Variants in PRKCE observed in about 807,000 individuals in gnomAD.
PRKCE encodes protein kinase C epsilon.
In PRKCE, 16 loss-of-function variants were observed where a neutral mutation model predicts 85.4. The observed-to-expected ratio is 0.19, with a 90% CI of 0.13 to 0.28. The LOEUF is 0.28. PRKCE is among the 10% of genes least tolerant of loss of function. The pLI, the probability that PRKCE is intolerant of heterozygous loss-of-function variation, is 1.00. For synonymous variants in PRKCE, 388 were observed against 371.5 expected (o/e 1.04, Z -0.51); for missense variants, 573 against 975.2 (o/e 0.59, Z 5.49).
intron 2 of PRKCE, among the ~76,000 whole-genome samples, chr2:45,951,035 C>G (rs1700585800): frequency 6.6e-6 from 1 of 152,178 alleles, no homozygotes; most frequent in African/African-American, 2.4e-5. Flanking sequence ...CTGTGAATTG[C>G]ACTACAATCC....
intron 2 of PRKCE, among the ~76,000 whole-genome samples, chr2:45,959,537 G>T (rs1239725809): frequency 6.6e-6 from 1 of 152,164 alleles, no homozygotes. Context: ...TGTGGCCTCA[G>T]TATTGAGGAG....
chr2:45,932,336 G>T (rs1226015856), intron 2 of PRKCE, among the ~76,000 whole-genome samples: 2 of 152,176 alleles, frequency 1.3e-5, no homozygotes, highest in Non-Finnish European at 2.9e-5. Flanking sequence ...CTTGTTTCCA[G>T]TTTAGGGGTA....
intron 2 of PRKCE, among the ~76,000 whole-genome samples, chr2:45,868,489 A>T (rs1693808618): frequency 6.6e-6 from 1 of 150,998 alleles, no homozygotes; most frequent in African/African-American, 2.4e-5. Flanking sequence ...ACGCCTGGCT[A>T]ATTTTTGTAT....
chr2:46,128,859 G>T (rs1674128093), intron 11 of PRKCE, among the ~76,000 whole-genome samples: 1 of 152,170 alleles, frequency 6.6e-6, no homozygotes, highest in South Asian at 2.1e-4. Flanking sequence ...CAGGCAGTCA[G>T]TATTTCTGGT....
chr2:45,958,871 C>CCATCACA (rs1701193634), intron 2 of PRKCE, among the ~76,000 whole-genome samples: 1 of 111,620 alleles, frequency 9.0e-6, no homozygotes, highest in Admixed American at 1.2e-4. Context: ...AATCCTTTAG[C>CCATCACA]CATCACATTC....
chr2:46,016,549 G>A (rs111649001), intron 10 of PRKCE, among the ~76,000 whole-genome samples: 132 of 152,236 alleles, frequency 8.7e-4, no homozygotes, highest in African/African-American at 3.1e-3. Context: ...TCTAACTGCT[G>A]CAGCTTCGTG....
chr2:45,816,839 G>A (rs1479712857), intron 1 of PRKCE, among the ~76,000 whole-genome samples: 1 of 152,164 alleles, frequency 6.6e-6, no homozygotes, highest in Non-Finnish European at 1.5e-5. Context: ...GCTGGCCCTA[G>A]GTGTGAACAA....
chr2:46,149,576 T>A (rs1033194387), intron 12 of PRKCE, among the ~76,000 whole-genome samples: 5 of 152,016 alleles, frequency 3.3e-5, no homozygotes, highest in Admixed American at 2.6e-4. Flanking sequence ...ATCATTGATC[T>A]GCTACATATT....
At chr2:45,986,584 G>T (rs1643645145) in intron 6 of PRKCE, among the ~76,000 whole-genome samples, 1 of 152,172 alleles carries the variant, frequency 6.6e-6, no homozygotes, top group Non-Finnish European at 1.5e-5. Context: ...TGAATCTGTT[G>T]AGGGCATTGC....
chr2:45,664,230 G>A (rs900057396), intron 1 of PRKCE, among the ~76,000 whole-genome samples: 2 of 152,202 alleles, frequency 1.3e-5, no homozygotes, highest in Non-Finnish European at 1.5e-5. Flanking sequence ...GTTTGTCCAA[G>A]TTCACAGATC....
At chr2:46,005,456 T>C (rs1705101984) in intron 8 of PRKCE, among the ~76,000 whole-genome samples, 1 of 152,166 alleles carries the variant, frequency 6.6e-6, no homozygotes, top group African/African-American at 2.4e-5. Flanking sequence ...TTGTATTCAT[T>C]ATCCTAATTT....
chr2:46,033,421 A>G (rs1173390385), intron 10 of PRKCE, among the ~76,000 whole-genome samples: 1 of 152,158 alleles, frequency 6.6e-6, no homozygotes, highest in African/African-American at 2.4e-5. Flanking sequence ...ATTGTCCCTC[A>G]TGGCAGGGTT....
intron 1 of PRKCE, among the ~76,000 whole-genome samples, chr2:45,773,803 C>A (rs1685532856): frequency 6.6e-6 from 1 of 152,166 alleles, no homozygotes; most frequent in Non-Finnish European, 1.5e-5. Context: ...CCCTGGCCAT[C>A]CAGAGTGGCC....
chr2:45,687,595 A>T (rs1677398388), intron 1 of PRKCE, among the ~76,000 whole-genome samples: 1 of 152,194 alleles, frequency 6.6e-6, no homozygotes, highest in Non-Finnish European at 1.5e-5. Flanking sequence ...ATGTGTGAAG[A>T]TATATTTGAG....
chr2:45,724,006 C>G (rs554120769), intron 1 of PRKCE, among the ~76,000 whole-genome samples: 2 of 152,326 alleles, frequency 1.3e-5, no homozygotes, highest in South Asian at 4.1e-4. Flanking sequence ...AGCTAGCAGT[C>G]TAGAACCTCC....
intron 1 of PRKCE, among the ~76,000 whole-genome samples, chr2:45,809,673 C>G (rs1173428436): frequency 2.7e-5 from 4 of 150,582 alleles, no homozygotes; most frequent in African/African-American, 9.8e-5. Flanking sequence ...CACCTGAGGT[C>G]AGGAGTTTGA....
chr2:45,919,229 A>T (rs934913357), intron 2 of PRKCE, among the ~76,000 whole-genome samples: 1 of 152,168 alleles, frequency 6.6e-6, no homozygotes, highest in East Asian at 1.9e-4. Flanking sequence ...CGTACGGACA[A>T]CCTGTCAAGG....
At chr2:46,115,104 T>A (rs1672643462) in intron 11 of PRKCE, among the ~76,000 whole-genome samples, 1 of 152,166 alleles carries the variant, frequency 6.6e-6, no homozygotes, top group Non-Finnish European at 1.5e-5. Context: ...TCCTGCTTGA[T>A]CACAGTGTAG....
At chr2:45,946,406 C>A (rs1026774477) in intron 2 of PRKCE, among the ~76,000 whole-genome samples, 2 of 152,210 alleles carry the variant, frequency 1.3e-5, no homozygotes, top group African/African-American at 2.4e-5. Flanking sequence ...TGTGCTGGCT[C>A]AGCTCTTCCC....
Sources: gnomAD v4.1 joint callset for allele counts (sites outside exome capture counted in the v4.1 genomes callset) on GRCh38, gnomAD v4.1.1 for gene constraint, MANE v1.5 for transcripts, NCBI Gene and HGNC (gene_info 2026-07-23, HGNC 2026-07-21) for gene names.